Variants in GPD2 observed in about 807,000 individuals in gnomAD.
GPD2 encodes glycerol-3-phosphate dehydrogenase, mitochondrial.
In GPD2, 54 loss-of-function variants were observed where a neutral mutation model predicts 82.4. That is an observed-to-expected ratio of 0.66 (90% CI 0.53 to 0.82). The LOEUF is 0.82. Among genes scored for constraint, GPD2 ranks in the 40% least tolerant of loss-of-function variants. GPD2 has a pLI of 0.00. For synonymous variants in GPD2, 288 were observed against 306.1 expected (o/e 0.94, Z 0.62); for missense variants, 748 against 896.2 (o/e 0.83, Z 2.11).
rs989727503 is a variant in GPD2, at chr2:156,550,822, T to C, written c.971+76T>C. The C allele has an allele frequency of 3.3e-6, 4 of 1,200,982 alleles. No individual in the cohort carries two copies. In the African/African-American group the frequency reaches 6.0e-5, roughly 18 times the overall value. The allele number at this position is 1,200,982 out of a possible 1,614,324, so 74.4% of individuals were successfully genotyped here. A position where few individuals can be genotyped will look rare whatever the true frequency, so the allele number is the denominator to read the frequency against. ...AGATTGTCTGGTTTATTTCTTCTTCTAGCATAGCAATAGATGGTCTAACTT... is the reference window on the plus strand; with the variant it reads ...AGATTGTCTGGTTTATTTCTTCTTCCAGCATAGCAATAGATGGTCTAACTT... On this transcript the variant is annotated intron_variant, in intron 8 of 16. Coordinates refer to ENST00000438166, the MANE Select transcript of GPD2 (RefSeq NM_000408.5).
chr2:156,500,633 G>A (rs561676670), intron 3 of GPD2, among the ~76,000 whole-genome samples: 8 of 152,158 alleles, frequency 5.3e-5, no homozygotes, highest in South Asian at 4.1e-4. Context: ...AGTTTTGGGG[G>A]GAACCACTAG....
At chr2:156,411,738 G>A in the GPD2 span, among the ~76,000 whole-genome samples, 5 of 151,996 alleles carry the variant, frequency 3.3e-5, no homozygotes. Flanking sequence ...TGACCTTAAG[G>A]GTCTTTAAAC....
upstream of GPD2, among the ~76,000 whole-genome samples, chr2:156,433,128 C>T (rs1188801015): frequency 6.6e-6 from 1 of 152,148 alleles, no homozygotes; most frequent in African/African-American, 2.4e-5. Flanking sequence ...ACAAGCTGTC[C>T]TTGTTCATTC....
chr2:156,558,765 CTTT>C (rs34524248), intron 9 of GPD2, among the ~76,000 whole-genome samples: 3 of 40,866 alleles, frequency 7.3e-5, no homozygotes, highest in Non-Finnish European at 1.2e-4. Context: ...GCCCAGCTAA[CTTT>C]TTTTTTTTTT....
At chr2:156,542,679 A>AT (rs1272804896) in intron 6 of GPD2, among the ~76,000 whole-genome samples, 1 of 152,186 alleles carries the variant, frequency 6.6e-6, no homozygotes, top group East Asian at 1.9e-4. Context: ...TATTTTATAT[A>AT]AGCTTTGAAT....
chr2:156,571,161 T>C lies in GPD2; in HGVS notation c.1636T>C (p.Cys546Arg), dbSNP rs1354957250. ...EVKYGIKEYA[C>R]TAVDMISRRT... The stretch of plus-strand genomic sequence containing the variant: ...GAAATATGGGATTAAGGAGTATGCC[T>C]GCACTGCTGTGGATATGATTTCACG... Residue 546 changes from cysteine to arginine, a missense_variant, in exon 13 of 17, where the codon TGC (cysteine) becomes CGC (arginine). Coordinates refer to ENST00000438166, the MANE Select transcript of GPD2 (RefSeq NM_000408.5). 4 of 1,610,316 alleles carry C rather than the reference T, an allele frequency of 2.5e-6. No homozygotes were observed. In the African/African-American group the frequency reaches 5.3e-5, roughly 22 times the overall value.
intron 3 of GPD2, among the ~76,000 whole-genome samples, chr2:156,509,172 C>T (rs973108592): frequency 6.6e-6 from 1 of 152,096 alleles, no homozygotes; most frequent in African/African-American, 2.4e-5. Flanking sequence ...GGCTGTGATA[C>T]CTGTAACTTT....
At chr2:156,581,443 A>G (rs896469638) in intron 16 of GPD2, among the ~76,000 whole-genome samples, 17 of 152,132 alleles carry the variant, frequency 1.1e-4, no homozygotes, top group African/African-American at 4.1e-4. Context: ...GTTAGCTCTG[A>G]TAAACTTTGC....
intron 12 of GPD2, 116 bp from the exon 13 acceptor site, chr2:156,571,018 T>A (rs1687592323): frequency 1.3e-6 from 1 of 782,768 alleles, no homozygotes; most frequent in Non-Finnish European, 2.2e-6. Context: ...GACCAGAGAG[T>A]ATAAAGAAAA....
At chr2:156,428,371 C>T in the GPD2 span, among the ~76,000 whole-genome samples, 4,383 of 152,222 alleles carry the variant, frequency 0.029, 98 homozygotes, top group Non-Finnish European at 0.046. Flanking sequence ...AGGAAGGCCA[C>T]CTTTGTGAGG....
chr2:156,442,340 A>G (rs1409060145), intron 1 of GPD2, among the ~76,000 whole-genome samples: 3 of 152,212 alleles, frequency 2.0e-5, no homozygotes, highest in Non-Finnish European at 4.4e-5. Flanking sequence ...TTAGATAGCT[A>G]TATACTTATG....
chr2:156,542,122 A>G (rs1234173198), intron 6 of GPD2, among the ~76,000 whole-genome samples: 1 of 152,150 alleles, frequency 6.6e-6, no homozygotes, highest in Admixed American at 6.5e-5. Context: ...TATCATGTTA[A>G]GGAACTTCAC....
chr2:156,483,735 A>G (rs1006133015), intron 2 of GPD2, among the ~76,000 whole-genome samples: 2 of 152,242 alleles, frequency 1.3e-5, no homozygotes, highest in African/African-American at 4.8e-5. Flanking sequence ...GAAAAAAAGA[A>G]AATAAAGAAA....
intron 1 of GPD2, among the ~76,000 whole-genome samples, chr2:156,446,657 C>T (rs1004889812): frequency 2.6e-5 from 4 of 151,718 alleles, no homozygotes; most frequent in Non-Finnish European, 5.9e-5. Context: ...TCACTGCAAC[C>T]TCTGCCTCCT....
intron 1 of GPD2, among the ~76,000 whole-genome samples, chr2:156,445,562 G>T (rs1033022203): frequency 9.2e-5 from 14 of 152,208 alleles, no homozygotes; most frequent in Non-Finnish European, 1.0e-4. Flanking sequence ...AATCCACGAA[G>T]TTGTTAAAAT....
At chr2:156,558,310 A>T (rs928017999) in intron 9 of GPD2, among the ~76,000 whole-genome samples, 2 of 152,110 alleles carry the variant, frequency 1.3e-5, no homozygotes, top group African/African-American at 4.8e-5. Flanking sequence ...TTCCATATCC[A>T]GTCTAATGCC....
chr2:156,469,705 G>A (rs541622562), intron 1 of GPD2, among the ~76,000 whole-genome samples: 10 of 152,272 alleles, frequency 6.6e-5, no homozygotes, highest in African/African-American at 2.2e-4. Context: ...TCTTTGAGCT[G>A]TACTCTCCGC....
At chr2:156,462,591 C>A (rs1232436755) in intron 1 of GPD2, among the ~76,000 whole-genome samples, 1 of 151,988 alleles carries the variant, frequency 6.6e-6, no homozygotes, top group East Asian at 1.9e-4. Context: ...CATGAGCCAC[C>A]GCACCTAGCC....
chr2:156,579,643 A>C lies in GPD2; in HGVS notation c.1960-47A>C, dbSNP rs761253325. The C allele has an allele frequency of 2.0e-4, 193 of 971,454 alleles. 3 individuals carry two copies. In the East Asian group the frequency reaches 4.5e-3, roughly 23 times the overall value. The allele number at this position is 971,454 out of a possible 1,614,324, so 60.2% of individuals were successfully genotyped here. ...CTCCTTGCCCAGCCAAAGCATATGC[A>C]TAATTTTTAATCAAACTGTATTATT... On this transcript the variant is annotated intron_variant, in intron 15 of 16. Coordinates refer to ENST00000438166, the MANE Select transcript of GPD2 (RefSeq NM_000408.5).
Sources: gnomAD v4.1 joint callset for allele counts (sites outside exome capture counted in the v4.1 genomes callset) on GRCh38, gnomAD v4.1.1 for gene constraint, MANE v1.5 for transcripts, NCBI Gene and HGNC (gene_info 2026-07-23, HGNC 2026-07-21) for gene names.